The following EXOC1 variants were observed in gnomAD, a reference collection of about 807,000 sequenced individuals.
EXOC1 encodes exocyst complex component 1, also known as SEC3-like 1.
Under a neutral mutation model 107.7 loss-of-function variants are expected in EXOC1, and 67 were observed. That is an observed-to-expected ratio of 0.62 (90% confidence interval 0.51 to 0.76). The LOEUF is 0.76. Among genes scored for constraint, EXOC1 ranks in the 30% least tolerant of loss-of-function variants. The probability of loss-of-function intolerance (pLI) is 0.00; values close to 1 mark genes in which losing one functional copy is unlikely to be tolerated. For synonymous variants in EXOC1, 348 were observed against 353.5 expected, an observed-to-expected ratio of 0.98 and a Z score of 0.17; for missense variants, 833 against 1,055.7, an observed-to-expected ratio of 0.79 and a Z score of 2.92.
Position 55,892,648 on chromosome 4 carries a change from A to G in EXOC1, c.1661A>G (p.Asp554Gly), listed in dbSNP as rs768123380. The change falls in exon 14 of 19, where the codon GAC becomes GGC. Residue 554 changes from aspartate to glycine, a missense_variant. Physicochemically the swap from Asp to Gly is moderately conservative, Grantham distance 94. Coordinates refer to ENST00000381295, the MANE Select transcript of EXOC1 (RefSeq NM_001024924.2). ...SMPGTMAEAE[D>G]LDGGTLSRQH... ...TAATTTTTGCAGGCTGAAGCAGAGG[A>G]CCTGGATGGAGGAACATTATCACGG... is the stretch of plus-strand genomic sequence containing the variant. 8.1e-6 allele frequency: 13 copies of G among 1,614,108 alleles called. No individual in the cohort carries two copies. In the East Asian group the frequency reaches 2.5e-4, roughly 30 times the overall value.
intron 16 of EXOC1, among the ~76,000 whole-genome samples, chr4:55,897,587 A>C (rs750701508): frequency 6.6e-6 from 1 of 152,106 alleles, no homozygotes; most frequent in Non-Finnish European, 1.5e-5. Flanking sequence ...AAATGATCTG[A>C]TTGCATATAT....
chr4:55,901,771 ATTGG>A (rs1320169418), intron 17 of EXOC1, among the ~76,000 whole-genome samples: 1 of 152,136 alleles, frequency 6.6e-6, no homozygotes, highest in Non-Finnish European at 1.5e-5. Flanking sequence ...AGAAATATAA[ATTGG>A]TTGAGCTTTC....
At chr4:55,873,709 G>A (rs1293842922) in intron 8 of EXOC1, among the ~76,000 whole-genome samples, 2 of 152,088 alleles carry the variant, frequency 1.3e-5, no homozygotes, top group Non-Finnish European at 2.9e-5. Context: ...TGCCAAAAAC[G>A]GTGGAAGAAG....
At chr4:55,895,142 C>T (rs993743320) in intron 15 of EXOC1, among the ~76,000 whole-genome samples, 3 of 152,116 alleles carry the variant, frequency 2.0e-5, no homozygotes, top group Non-Finnish European at 4.4e-5. Flanking sequence ...TATCTTATTT[C>T]AATAATGTCT....
chr4:55,884,009 C>T, intron 10 of EXOC1, 81 bp downstream of exon 10: 2 of 1,001,618 alleles, frequency 2.0e-6, no homozygotes, highest in Non-Finnish European at 2.9e-6. Context: ...ACTTCTTAAG[C>T]AAGGTGGAGG....
chr4:55,878,856 G>A (rs543488087), intron 9 of EXOC1, among the ~76,000 whole-genome samples: 2 of 152,262 alleles, frequency 1.3e-5, no homozygotes, highest in South Asian at 4.1e-4. Flanking sequence ...TGAGCTATGG[G>A]ACCTACCAGC....
At position 55,904,567 on chromosome 4, in the gene EXOC1, C is replaced by T; in HGVS notation, c.*72C>T. 7.0e-7 allele frequency: 1 copy of T among 1,437,784 alleles called. No homozygotes were observed. The highest frequency in any genetic ancestry group is 9.3e-7 in the Non-Finnish European group (1 of 1,077,968). 89.1% of individuals were successfully genotyped at this position (1,437,784 alleles called of 1,614,324 possible). On this transcript the variant is annotated 3_prime_UTR_variant, in exon 19 of 19. Transcript: ENST00000381295. ...ACAGACACTATACCAAAATACCAAG[C>T]AACTGTTTTGAGAACCCAGACTTAA...
intron 13 of EXOC1, among the ~76,000 whole-genome samples, chr4:55,892,305 T>C (rs143644957): frequency 1.3e-5 from 2 of 152,152 alleles, no homozygotes; most frequent in Non-Finnish European, 2.9e-5. Context: ...GGACGTTTTC[T>C]ATTTTTGTGG....
At position 55,876,787 on chromosome 4, in the gene EXOC1, A is replaced by G. The variant is rs189915907; in HGVS notation, c.1075-1130A>G. On this transcript the variant is annotated intron_variant, in intron 8 of 18. Transcript: ENST00000381295. ...TATTGGTTGTTTTCTACCATTTTATATGTAATTTCTGTATAATGGGTCCTT... is the reference window on the plus strand; with the variant it reads ...TATTGGTTGTTTTCTACCATTTTATGTGTAATTTCTGTATAATGGGTCCTT... 5.1e-6 allele frequency: 5 copies of G among 984,576 alleles called. No individual in the cohort carries two copies. In the East Asian group the frequency reaches 3.4e-4, roughly 67 times the overall value. 61.0% of individuals were successfully genotyped at this position (984,576 alleles called of 1,614,324 possible). A position where few individuals can be genotyped will look rare whatever the true frequency, so the allele number is the denominator to read the frequency against.
chr4:55,858,217 C>A, intron 1 of EXOC1, 97 bp from the exon 2 acceptor site: 1 of 1,295,140 alleles, frequency 7.7e-7, no homozygotes, highest in South Asian at 2.0e-5. Context: ...TTTTCCTAGG[C>A]TTGTTAACCA....
At chr4:55,861,047 G>A (rs950277633) in intron 3 of EXOC1, among the ~76,000 whole-genome samples, 4 of 151,758 alleles carry the variant, frequency 2.6e-5, no homozygotes, top group Admixed American at 6.6e-5. Flanking sequence ...AAACTTACAC[G>A]TTATAGATAA....
At chr4:55,890,181 A>G (rs748691302) in intron 11 of EXOC1, 42 bp from the exon 12 acceptor site, 6 of 1,590,464 alleles carry the variant, frequency 3.8e-6, no homozygotes, top group Non-Finnish European at 5.2e-6. Flanking sequence ...TGGATCATTT[A>G]TTTGTGAAGA....
chr4:55,861,633 G>A (rs1385940597), intron 3 of EXOC1, among the ~76,000 whole-genome samples: 2 of 152,164 alleles, frequency 1.3e-5, no homozygotes. Context: ...AAGTATTCTA[G>A]GCTTACTGGC....
At chr4:55,861,246 G>T (rs1342360767) in intron 3 of EXOC1, among the ~76,000 whole-genome samples, 2 of 152,072 alleles carry the variant, frequency 1.3e-5, no homozygotes, top group Non-Finnish European at 2.9e-5. Context: ...TTTCTCTGCA[G>T]CCCTAACACA....
At chr4:55,869,741 T>C (rs1722260585) in intron 5 of EXOC1, among the ~76,000 whole-genome samples, 2 of 152,232 alleles carry the variant, frequency 1.3e-5, no homozygotes, top group Non-Finnish European at 2.9e-5. Context: ...AAAGTCGTAT[T>C]GCACTTACAT....
chr4:55,873,490 A>G (rs1309000548), intron 8 of EXOC1, among the ~76,000 whole-genome samples: 1 of 152,226 alleles, frequency 6.6e-6, no homozygotes, highest in Admixed American at 6.5e-5. Flanking sequence ...TTTGTTAGAT[A>G]GTATTGAAAA....
At position 55,872,235 on chromosome 4, in the gene EXOC1, ATTT is replaced by A. The variant is rs529502764; in HGVS notation, c.1074+280_1074+282del. 1.9e-3 allele frequency among the ~76,000 whole-genome samples: 279 copies of A among 150,606 alleles called. 2 individuals are homozygous for A. Among genetic ancestry groups the A allele is most frequent in the African/African-American group, 6.1e-3 (249 of 40,812 alleles). ...TATGAATTGCATATACTACTTAGAT[ATTT>A]TTATTTATAAAGTAAGTCCAAACTT... On this transcript the variant is annotated intron_variant, in intron 8 of 18. Coordinates refer to ENST00000381295, the MANE Select transcript of EXOC1 (RefSeq NM_001024924.2).
At chr4:55,877,229 C>T (rs1722981676) in intron 8 of EXOC1, 1 of 985,302 alleles carries the variant, frequency 1.0e-6, no homozygotes, top group Non-Finnish European at 1.2e-6. Flanking sequence ...TTAACTAGCT[C>T]CAAAACTCTA....
Position 55,870,737 on chromosome 4 carries a change from A to G in EXOC1, c.663A>G (p.Leu221=). The G allele has an allele frequency of 6.2e-7, 1 of 1,613,932 alleles. No individual in the cohort carries two copies. The highest frequency in any genetic ancestry group is 8.5e-7 in the Non-Finnish European group (1 of 1,179,906). The change falls in exon 6 of 19, where the codon CTA becomes CTG. Residue 221 remains leucine, a synonymous_variant. Transcript: ENST00000381295. ...AAGTCAACATCCTGATGAAATTGCT[A>G]GATGAGGCTCTAAAGGAGGTAGATC... The part of the protein sequence containing the change: ...EKQVNILMKL[L]DEALKEVDQI...
Sources: allele counts gnomAD v4.1 joint callset (sites outside exome capture counted in the v4.1 genomes callset), GRCh38; gene constraint gnomAD v4.1.1; transcripts MANE v1.5; gene names NCBI Gene and HGNC (gene_info 2026-07-23, HGNC 2026-07-21).